Variants in CEPT1 observed in about 807,000 individuals in gnomAD.
CEPT1 encodes the protein choline/ethanolaminephosphotransferase 1.
CEPT1 carries 7 observed loss-of-function variants against 42.6 expected under a neutral mutation model. The ratio of observed to expected loss-of-function variants is 0.16; its 90% CI spans 0.09 to 0.31. The LOEUF (loss-of-function observed/expected upper bound fraction) is 0.31, where lower values mean the gene tolerates loss of function less well. CEPT1 is among the 10% of genes least tolerant of loss of function. The pLI is 1.00. For missense variants in CEPT1, 306 were observed against 502.1 expected (o/e 0.61, Z 3.73); for synonymous variants, 171 against 171.9 (o/e 0.99, Z 0.04).
intron 4 of CEPT1, among the ~76,000 whole-genome samples, chr1:111,164,611 G>T (rs1656037228): frequency 6.7e-6 from 1 of 149,094 alleles, no homozygotes; most frequent in Admixed American, 6.7e-5. Context: ...GGATTTTTTT[G>T]GATTGTTTTG....
chr1:111,140,693 T>C (rs1319355895), intron 1 of CEPT1: 1 of 152,384 alleles, frequency 6.6e-6, no homozygotes, highest in African/African-American at 2.4e-5. Flanking sequence ...ACCTTGCTTG[T>C]CAGGTCCACA....
intron 3 of CEPT1, chr1:111,159,738 C>CAAATATT: frequency 5.1e-6 from 2 of 395,598 alleles, no homozygotes; most frequent in Non-Finnish European, 8.9e-6. Flanking sequence ...TTTTTAGCCC[C>CAAATATT]AAATATTGTT....
intron 5 of CEPT1, among the ~76,000 whole-genome samples, chr1:111,177,351 C>G (rs2101388265): frequency 6.6e-6 from 1 of 152,250 alleles, no homozygotes; most frequent in African/African-American, 2.4e-5. Context: ...TACGTTTTGA[C>G]CTCGACCTGT....
chr1:111,165,639 C>T (rs1557934116), intron 4 of CEPT1, among the ~76,000 whole-genome samples: 1 of 152,148 alleles, frequency 6.6e-6, no homozygotes, highest in Admixed American at 6.5e-5. Context: ...ACTAATTCTA[C>T]ACAGATATTA....
At position 111,144,289 on chromosome 1, in the gene CEPT1, G is replaced by A. The variant is rs529852919; in HGVS notation, c.-73-3353G>A. On this transcript the variant is annotated intron_variant, in intron 1 of 8. Coordinates refer to ENST00000357172, the MANE Select transcript of CEPT1 (RefSeq NM_006090.5). ...ACCTGTGGTAGTGACTGCAAACTCT[G>A]TATCTATATGAATGTGTTGAAAGTA... Among the ~76,000 whole-genome samples the A allele has an allele frequency of 1.6e-4, 24 of 152,294 alleles. No individual in the cohort carries two copies. In the South Asian group the frequency reaches 5.0e-3, roughly 32 times the overall value.
intron 4 of CEPT1, among the ~76,000 whole-genome samples, chr1:111,164,353 C>T (rs980450659): frequency 1.3e-5 from 2 of 151,998 alleles, no homozygotes; most frequent in East Asian, 1.9e-4. Flanking sequence ...CTCACAGTGC[C>T]GCTGGATTGA....
At chr1:111,159,644 A>G (rs1034578533) in intron 3 of CEPT1, 117 bp downstream of exon 3, 1 of 749,946 alleles carries the variant, frequency 1.3e-6, no homozygotes, top group Non-Finnish European at 2.0e-6. Flanking sequence ...AAATTTTAGT[A>G]TTTCTCAAAA....
At chr1:111,142,986 G>C (rs932881082) in intron 1 of CEPT1, among the ~76,000 whole-genome samples, 2 of 152,190 alleles carry the variant, frequency 1.3e-5, no homozygotes, top group African/African-American at 4.8e-5. Context: ...TACAGCTGAT[G>C]GGAATTTTAT....
intron 1 of CEPT1, among the ~76,000 whole-genome samples, chr1:111,142,082 G>C (rs903466228): frequency 6.6e-6 from 1 of 151,978 alleles, no homozygotes; most frequent in Non-Finnish European, 1.5e-5. Context: ...ATACTTGTCA[G>C]ACATTCCCCA....
At chr1:111,152,204 T>C (rs1655314354) in intron 2 of CEPT1, among the ~76,000 whole-genome samples, 1 of 152,246 alleles carries the variant, frequency 6.6e-6, no homozygotes, top group Non-Finnish European at 1.5e-5. Flanking sequence ...ATGCTTTTGA[T>C]TCACCTCACT....
At chr1:111,141,608 G>GT (rs1009770495) in intron 1 of CEPT1, among the ~76,000 whole-genome samples, 6 of 151,936 alleles carry the variant, frequency 3.9e-5, no homozygotes, top group African/African-American at 1.5e-4. Flanking sequence ...GTGTGTGTGT[G>GT]TTTTTTTAAG....
chr1:111,147,992 T>C lies in CEPT1; in HGVS notation c.278T>C (p.Leu93Pro). The C allele has an allele frequency of 6.2e-7, 1 of 1,614,222 alleles. No homozygotes were observed. The highest frequency in any genetic ancestry group is 8.5e-7 in the Non-Finnish European group (1 of 1,180,022). Residue 93 changes from leucine (L) to proline (P), a missense_variant, in exon 2 of 9, where the codon CTG becomes CCG. Leu to Pro is a moderately conservative substitution (Grantham distance 98). Transcript: ENST00000357172. The stretch of plus-strand genomic sequence containing the variant: ...CCAAATCTCATCACCATCATTGGAC[T>C]GTCAATAAACATCTGTACAACTATT... The part of the protein sequence containing the change: ...IAPNLITIIG[L>P]SINICTTILL...
At chr1:111,141,914 A>G (rs1654634199) in intron 1 of CEPT1, among the ~76,000 whole-genome samples, 1 of 152,094 alleles carries the variant, frequency 6.6e-6, no homozygotes, top group Non-Finnish European at 1.5e-5. Context: ...TTACCTGTGA[A>G]AAGACTGTAA....
chr1:111,149,974 T>A (rs1655181428), intron 2 of CEPT1, among the ~76,000 whole-genome samples: 1 of 152,234 alleles, frequency 6.6e-6, no homozygotes. Context: ...ACCCAAGAAT[T>A]AGTTAAATCT....
chr1:111,147,069 C>T (rs945927578), intron 1 of CEPT1, among the ~76,000 whole-genome samples: 1 of 152,140 alleles, frequency 6.6e-6, no homozygotes, highest in African/African-American at 2.4e-5. Context: ...CCTCACTGAG[C>T]CTTAGTTTAT....
chr1:111,160,896 G>A lies in CEPT1; in HGVS notation c.488-259G>A, dbSNP rs1655832084. ...TCTCTAAGTCAGGAAAATACTCGAA[G>A]AAATGTTGAAGTATTTTAGTTGCCT... On this transcript the variant is annotated intron_variant, in intron 3 of 8. Coordinates refer to ENST00000357172, the MANE Select transcript of CEPT1 (RefSeq NM_006090.5). 1.3e-5 allele frequency: 6 copies of A among 474,904 alleles called. No homozygotes were observed. In the South Asian group the frequency reaches 1.4e-4, roughly 11 times the overall value. The allele number at this position is 474,904 out of a possible 1,614,324, so 29.4% of individuals were successfully genotyped here.
chr1:111,144,048 A>G (rs962752553), intron 1 of CEPT1, among the ~76,000 whole-genome samples: 5 of 152,146 alleles, frequency 3.3e-5, no homozygotes, highest in Admixed American at 3.3e-4. Flanking sequence ...ATTTTTTAAT[A>G]TTCTACCTCC....
chr1:111,183,683 A>T (rs1657109091), intron 8 of CEPT1, 96 bp downstream of exon 8: 1 of 1,228,244 alleles, frequency 8.1e-7, no homozygotes, highest in Non-Finnish European at 1.2e-6. Flanking sequence ...TCGTTCATAT[A>T]ATTGTAATGA....
chr1:111,146,214 C>T (rs1419254134), intron 1 of CEPT1, among the ~76,000 whole-genome samples: 1 of 151,614 alleles, frequency 6.6e-6, no homozygotes, highest in Non-Finnish European at 1.5e-5. Flanking sequence ...TAGTTTTTAA[C>T]CAGACTTTAG....
Sources: allele counts gnomAD v4.1 joint callset (sites outside exome capture counted in the v4.1 genomes callset), GRCh38; gene constraint gnomAD v4.1.1; transcripts MANE v1.5; gene names NCBI Gene and HGNC (gene_info 2026-07-23, HGNC 2026-07-21).